The following DDAH1 variants were observed in gnomAD, a reference collection of about 807,000 sequenced individuals.
The protein encoded by DDAH1 is dimethylarginine dimethylaminohydrolase 1, also known as N(G),N(G)-dimethylarginine dimethylaminohydrolase 1.
In DDAH1, 19 loss-of-function variants were observed where a neutral mutation model predicts 28.8. The ratio of observed to expected loss-of-function variants is 0.66; its 90% confidence interval spans 0.46 to 0.97. DDAH1 has a LOEUF of 0.97. Ranked by LOEUF, DDAH1 falls within the 50% of genes least tolerant of loss-of-function variation. DDAH1 has a pLI of 0.00. For synonymous variants in DDAH1, 153 were observed against 154.4 expected (o/e 0.99, Z 0.07); for missense variants, 326 against 375.9 (o/e 0.87, Z 1.10).
At position 85,333,064 on chromosome 1, in the gene DDAH1, C is replaced by T. The variant is rs116640765; in HGVS notation, c.598-8181G>A. On this transcript the variant is annotated intron_variant, in intron 4 of 5. Transcript: ENST00000284031. ...TGCTAACACTGGCGCCCACATATGC[C>T]ACCCCGGGACCCAAGAACAGGCATG... Among the ~76,000 whole-genome samples the T allele has an allele frequency of 1.9e-3, 296 of 152,316 alleles. 1 individual carries two copies. The highest frequency in any genetic ancestry group is 6.8e-3 in the African/African-American group (282 of 41,576).
intron 1 of DDAH1, among the ~76,000 whole-genome samples, chr1:85,568,749 A>G (rs1490253326): frequency 6.6e-6 from 1 of 152,214 alleles, no homozygotes; most frequent in East Asian, 1.9e-4. Flanking sequence ...AATAAATTAT[A>G]TCCAAGCAGA....
At chr1:85,342,479 A>G (rs138274449) in intron 4 of DDAH1, among the ~76,000 whole-genome samples, 1 of 151,968 alleles carries the variant, frequency 6.6e-6, no homozygotes, top group African/African-American at 2.4e-5. Flanking sequence ...TGATAACATT[A>G]GTGATTTTGG....
intron 1 of DDAH1, among the ~76,000 whole-genome samples, chr1:85,417,605 T>C (rs746790017): frequency 1.3e-5 from 2 of 152,228 alleles, no homozygotes; most frequent in African/African-American, 2.4e-5. Flanking sequence ...TATCTCCTTA[T>C]AGGGAAATCT....
intron 1 of DDAH1, among the ~76,000 whole-genome samples, chr1:85,412,405 C>G (rs1178193168): frequency 1.3e-5 from 2 of 152,186 alleles, no homozygotes; most frequent in Non-Finnish European, 2.9e-5. Context: ...CACAATGACC[C>G]CTTCACTCAA....
At chr1:85,576,092 G>GA (rs148370998) in intron 1 of DDAH1, among the ~76,000 whole-genome samples, 59,053 of 147,664 alleles carry the variant, frequency 0.4, 11,871 homozygotes, top group Non-Finnish European at 0.42. Flanking sequence ...TAAAAAAAAA[G>GA]AAAAAAAAAA....
intron 1 of DDAH1, among the ~76,000 whole-genome samples, chr1:85,571,793 T>TC (rs1164630534): frequency 6.8e-6 from 1 of 147,104 alleles, no homozygotes; most frequent in African/African-American, 2.5e-5. Context: ...TAAGCTTTTT[T>TC]TTTTTTTTTT....
chr1:85,344,412 C>T (rs999390848), intron 4 of DDAH1, among the ~76,000 whole-genome samples: 2 of 152,200 alleles, frequency 1.3e-5, no homozygotes, highest in Admixed American at 6.5e-5. Flanking sequence ...GGATGCTCCT[C>T]CTGCTGCCCG....
intron 4 of DDAH1, among the ~76,000 whole-genome samples, chr1:85,330,482 G>T (rs1391811012): frequency 1.3e-5 from 2 of 152,082 alleles, no homozygotes; most frequent in Non-Finnish European, 2.9e-5. Context: ...CCAACCCCAG[G>T]GACTGTACTT....
chr1:85,389,998 T>C (rs553768275), intron 1 of DDAH1, among the ~76,000 whole-genome samples: 55 of 152,338 alleles, frequency 3.6e-4, no homozygotes, highest in African/African-American at 1.2e-3. Flanking sequence ...GAAGCATCTT[T>C]TTTACTACTT....
At chr1:85,534,169 T>C (rs1658188294) in intron 1 of DDAH1, among the ~76,000 whole-genome samples, 1 of 152,208 alleles carries the variant, frequency 6.6e-6, no homozygotes, top group African/African-American at 2.4e-5. Context: ...AATCTATCCA[T>C]AAGACAGAAG....
At chr1:85,323,415 T>G (rs1051568511) in intron 5 of DDAH1, among the ~76,000 whole-genome samples, 1 of 152,150 alleles carries the variant, frequency 6.6e-6, no homozygotes, top group African/African-American at 2.4e-5. Context: ...TACTAAAGTA[T>G]ATAGATGAGA....
rs146788143 is a variant in DDAH1 at position 85,563,754 on chromosome 1, G to T, written c.-123+14230C>A. 2.5e-3 allele frequency among the ~76,000 whole-genome samples: 375 copies of T among 152,298 alleles called. 3 individuals are homozygous for T. Among genetic ancestry groups the T allele is most frequent in the Admixed American group, 3.6e-3 (55 of 15,288 alleles). On this transcript the variant is annotated intron_variant, in intron 1 of 6. Coordinates refer to the DDAH1 transcript ENST00000426972. ...ACACATGATAGAATTAGTAGATAAA[G>T]AGATTAAGAGTTATTATTTTAACTA... is the stretch of plus-strand genomic sequence containing the variant.
chr1:85,395,548 T>C (rs978995460), intron 1 of DDAH1, among the ~76,000 whole-genome samples: 1 of 152,042 alleles, frequency 6.6e-6, no homozygotes, highest in Non-Finnish European at 1.5e-5. Flanking sequence ...GGTGCATGCC[T>C]GTAATCTCAG....
chr1:85,376,005 T>C (rs944362595), intron 1 of DDAH1, among the ~76,000 whole-genome samples: 2 of 152,136 alleles, frequency 1.3e-5, no homozygotes, highest in African/African-American at 2.4e-5. Flanking sequence ...TGGTGGACAA[T>C]ACTGCTATTC....
rs140341626 is a variant in DDAH1 at position 85,559,436 on chromosome 1, T to C, written c.-123+18548A>G. ...CAACTCAACAACATAATAGCCATAA[T>C]ACTCAGCTTTCAGTTAAAAATTACT... On this transcript the variant is annotated intron_variant, in intron 1 of 6. Coordinates refer to the DDAH1 transcript ENST00000426972. Among the ~76,000 whole-genome samples the C allele has an allele frequency of 1.3e-3, 201 of 152,220 alleles. 2 individuals are homozygous for C. The highest frequency in any genetic ancestry group is 0.01 in the Middle Eastern group (3 of 294).
intron 1 of DDAH1, among the ~76,000 whole-genome samples, chr1:85,411,330 C>T (rs993225516): frequency 1.1e-4 from 16 of 152,112 alleles, no homozygotes; most frequent in Non-Finnish European, 7.4e-5. Flanking sequence ...AAAAAACAAA[C>T]GACAAGTGTT....
chr1:85,339,104 C>T (rs1648315186), intron 4 of DDAH1, among the ~76,000 whole-genome samples: 1 of 151,522 alleles, frequency 6.6e-6, no homozygotes, highest in African/African-American at 2.4e-5. Flanking sequence ...GGTATTGTTA[C>T]TGCTACTGAT....
chr1:85,340,154 A>C (rs1461767418), intron 4 of DDAH1, among the ~76,000 whole-genome samples: 1 of 152,164 alleles, frequency 6.6e-6, no homozygotes, highest in Non-Finnish European at 1.5e-5. Flanking sequence ...CACTGATTCC[A>C]CTGCTGCCAA....
chr1:85,352,300 C>T (rs1177266443), intron 2 of DDAH1, among the ~76,000 whole-genome samples: 2 of 151,946 alleles, frequency 1.3e-5, no homozygotes. Flanking sequence ...TGTGATGGGA[C>T]GGTGTCCTGT....
Sources: allele counts gnomAD v4.1 joint callset (sites outside exome capture counted in the v4.1 genomes callset), GRCh38; gene constraint gnomAD v4.1.1; transcripts MANE v1.5; gene names NCBI Gene and HGNC (gene_info 2026-07-23, HGNC 2026-07-21).